ALOX12B: variants seen among roughly 807,000 people sequenced by gnomAD.
ALOX12B encodes the protein arachidonate 12-lipoxygenase, 12R type, also known as arachidonate 12-lipoxygenase, 12R-type.
In ALOX12B, 47 loss-of-function variants were observed where a neutral mutation model predicts 78.9. That is an observed-to-expected ratio of 0.60 (90% CI 0.47 to 0.76). The LOEUF (loss-of-function observed/expected upper bound fraction) is 0.76. Among genes scored for constraint, ALOX12B ranks in the 30% least tolerant of loss-of-function variants. The pLI is 0.00. For missense variants in ALOX12B, 805 were observed against 922.6 expected, an observed-to-expected ratio of 0.87 and a Z score of 1.65; for synonymous variants, 370 against 374.5, an observed-to-expected ratio of 0.99 and a Z score of 0.14.
chr17:8,083,044 C>G (rs1978289114), intron 2 of ALOX12B, among the ~76,000 whole-genome samples: 1 of 152,094 alleles, frequency 6.6e-6, no homozygotes, highest in African/African-American at 2.4e-5. Context: ...CTCCCTGAGG[C>G]TATATACAAT....
chr17:8,079,139 C>A lies in ALOX12B; in HGVS notation c.1071+257G>T, dbSNP rs972152097. Reference sequence around the variant, plus strand: ...GTCTCGATCTCCTGACCTCGTGATCCGCCCGCCTCGGCCTCCCAAAGTGCT... The same window carrying A: ...GTCTCGATCTCCTGACCTCGTGATCAGCCCGCCTCGGCCTCCCAAAGTGCT... On this transcript the variant is annotated intron_variant, in intron 8 of 14. Transcript: ENST00000647874. This position sits in a 1 kb window ranked among gnomAD's most constrained non-coding sequence, Gnocchi z 6.4. Among the ~76,000 whole-genome samples the A allele has an allele frequency of 2.6e-5, 4 of 151,986 alleles. No homozygotes were observed. Among genetic ancestry groups the A allele is most frequent in the African/African-American group, 9.7e-5 (4 of 41,392 alleles).
intron 12 of ALOX12B, among the ~76,000 whole-genome samples, chr17:8,075,293 C>T (rs1692689324): frequency 6.6e-6 from 1 of 152,198 alleles, no homozygotes. Flanking sequence ...ATTTCACAGT[C>T]CACAAAGATT....
chr17:8,081,783 C>T (rs745529690), intron 2 of ALOX12B, among the ~76,000 whole-genome samples: 6 of 152,144 alleles, frequency 3.9e-5, no homozygotes, highest in Non-Finnish European at 7.3e-5. Flanking sequence ...GGTGGGATTA[C>T]AGGTGCCTGC....
At chr17:8,073,626 G>A in intron 13 of ALOX12B, 31 bp downstream of exon 13, 1 of 1,593,008 alleles carries the variant, frequency 6.3e-7, no homozygotes. Flanking sequence ...TGAGCCTCGG[G>A]CTGGGCCTGG....
intron 1 of ALOX12B, among the ~76,000 whole-genome samples, chr17:8,086,497 G>A (rs1002411787): frequency 1.3e-5 from 2 of 152,134 alleles, no homozygotes; most frequent in Admixed American, 1.3e-4. Context: ...CCCCTCTCCA[G>A]GCACCTGAGG....
intron 12 of ALOX12B, 29 bp downstream of exon 12, chr17:8,075,566 C>A (rs774623395): frequency 6.2e-7 from 1 of 1,613,686 alleles, no homozygotes; most frequent in South Asian, 1.1e-5. Context: ...CCCAGCTCCC[C>A]CTGATTGCCC....
At chr17:8,078,048 T>C (rs1042095151) in intron 8 of ALOX12B, among the ~76,000 whole-genome samples, 5 of 152,202 alleles carry the variant, frequency 3.3e-5, no homozygotes, top group Admixed American at 3.3e-4. Context: ...AACAACTATC[T>C]ACATAGCATT....
Position 8,080,778 on chromosome 17 carries a change from C to A in ALOX12B, c.530G>T (p.Trp177Leu), listed in dbSNP as rs959284348. ...TGGGAATCCCGGAATATAGCCATTCCACCTGTGGGGAGAAGCGCAGGGCAA... is the reference window on the plus strand; with the variant it reads ...TGGGAATCCCGGAATATAGCCATTCAACCTGTGGGGAGAAGCGCAGGGCAA... Reference protein sequence around the residue: ...RRHRNPNRPEWNGYIPGFPIL... With the variant: ...RRHRNPNRPELNGYIPGFPIL... Residue 177 changes from tryptophan to leucine, a missense_variant and splice_region_variant, in exon 5 of 15, where the codon TGG becomes TTG. By Grantham distance (61) the Trp-to-Leu change is moderately conservative. Coordinates refer to ENST00000647874, the MANE Select transcript of ALOX12B (RefSeq NM_001139.3). The surrounding 1 kb of genome is among the most constrained non-coding windows in gnomAD (Gnocchi z 4.8). 4 of 1,613,992 alleles carry A rather than the reference C, an allele frequency of 2.5e-6. No homozygotes were observed. The African/African-American group carries it at 4.0e-5, about 16-fold the overall frequency.
At chr17:8,081,621 T>C (rs1977219603) in intron 2 of ALOX12B, 2 of 259,890 alleles carry the variant, frequency 7.7e-6, no homozygotes, top group Admixed American at 4.8e-5. Context: ...GTCTCCATTG[T>C]CTATTGTTTT....
chr17:8,072,997 C>A (rs1346032665), intron 14 of ALOX12B, 47 bp from the exon 15 acceptor site: 2 of 1,596,536 alleles, frequency 1.3e-6, no homozygotes, highest in Non-Finnish European at 1.7e-6. Flanking sequence ...GGCCAGCACC[C>A]CCTCCTCCTG....
intron 8 of ALOX12B, among the ~76,000 whole-genome samples, chr17:8,077,613 G>C (rs1238316782): frequency 6.6e-6 from 1 of 152,212 alleles, no homozygotes; most frequent in Non-Finnish European, 1.5e-5. Flanking sequence ...GGAGCATCAG[G>C]CTCTGGGGCT....
intron 9 of ALOX12B, 48 bp downstream of exon 9, chr17:8,076,942 G>T: frequency 6.3e-7 from 1 of 1,587,474 alleles, no homozygotes; most frequent in Non-Finnish European, 8.6e-7. Flanking sequence ...TCGGAGGCCA[G>T]GTGAGGGCCA....
At chr17:8,084,019 G>A (rs976650317) in intron 2 of ALOX12B, among the ~76,000 whole-genome samples, 1 of 152,034 alleles carries the variant, frequency 6.6e-6, no homozygotes, top group Non-Finnish European at 1.5e-5. Context: ...TTAGCCGGGC[G>A]TGGTGGCACT....
In ALOX12B at chr17:8,079,563, GCAAGTAGGCACCCA is replaced by G; in HGVS notation, c.928-38_928-25del. The stretch of plus-strand genomic sequence containing the variant: ...TTCTGGAGGGGAGCCGCGATGGGTG[GCAAGTAGGCACCCA>G]CACGGGAAGCCCGTGACCCGCGCCG... On this transcript the variant is annotated intron_variant, in intron 7 of 14. Coordinates refer to ENST00000647874, the MANE Select transcript of ALOX12B (RefSeq NM_001139.3). This position sits in a 1 kb window ranked among gnomAD's most constrained non-coding sequence, Gnocchi z 6.4. 3.9e-6 allele frequency: 6 copies of G among 1,549,394 alleles called. No homozygotes were observed. The highest frequency in any genetic ancestry group is 5.2e-6 in the Non-Finnish European group (6 of 1,146,414).
intron 12 of ALOX12B, among the ~76,000 whole-genome samples, chr17:8,075,358 C>T (rs1038425338): frequency 2.0e-5 from 3 of 152,192 alleles, no homozygotes; most frequent in African/African-American, 7.2e-5. Context: ...TGACCCACAG[C>T]CCCTAATCTC....
At position 8,087,682 on chromosome 17, in the gene ALOX12B, G is replaced by C. The variant is rs1385214208; in HGVS notation, c.-240C>G. On this transcript the variant is annotated 5_prime_UTR_variant, in exon 1 of 15. Coordinates refer to ENST00000647874, the MANE Select transcript of ALOX12B (RefSeq NM_001139.3). ...CAGGCCCAGGCGGAGCCCAGCTGGT[G>C]GTGAGTGAGCAGGTGTCTGGGCTCC... 1 of 607,628 alleles carries C rather than the reference G, an allele frequency of 1.6e-6. No individual in the cohort carries two copies. Among genetic ancestry groups the C allele is most frequent in the Non-Finnish European group, 2.9e-6 (1 of 347,054 alleles). 37.6% of individuals were successfully genotyped at this position (607,628 alleles called of 1,614,324 possible). A position where few individuals can be genotyped will look rare whatever the true frequency, so the allele number is the denominator to read the frequency against.
At chr17:8,073,794 G>A (rs1206642850) in intron 12 of ALOX12B, 37 bp from the exon 13 acceptor site, 2 of 1,551,130 alleles carry the variant, frequency 1.3e-6, no homozygotes, top group Admixed American at 1.7e-5. Flanking sequence ...GACATCAGTC[G>A]TGCCCTGGTA....
rs60303176 is a variant in ALOX12B at position 8,087,227 on chromosome 17, GACACACACAGAC to G, written c.147+57_147+68del. ...CCACAAAGACACACAGACACACACAGACACACACAGACACACACACACACACACACAGACACA... is the reference window on the plus strand; with the variant it reads ...CCACAAAGACACACAGACACACACAGACACACACACACACACACAGACACA... On this transcript the variant is annotated intron_variant, in intron 1 of 14. Transcript: ENST00000647874. 51,300 of 1,410,224 alleles carry G rather than the reference GACACACACAGAC, an allele frequency of 0.036. 5,263 individuals carry two copies. In the African/African-American group the frequency reaches 0.4, roughly 11 times the overall value. The allele number at this position is 1,410,224 out of a possible 1,614,324, so 87.4% of individuals were successfully genotyped here.
chr17:8,075,506 A>T, intron 12 of ALOX12B, 89 bp downstream of exon 12: 2 of 1,598,422 alleles, frequency 1.3e-6, no homozygotes, highest in Non-Finnish European at 1.7e-6. Flanking sequence ...ATATGTTCTG[A>T]TCCAGCCCAG....
Sources: allele counts gnomAD v4.1 joint callset (sites outside exome capture counted in the v4.1 genomes callset), GRCh38; gene constraint gnomAD v4.1.1; non-coding constraint Gnocchi (gnomAD v3.1); transcripts MANE v1.5; gene names NCBI Gene and HGNC (gene_info 2026-07-23, HGNC 2026-07-21).